The following DPYD variants were observed in gnomAD, a reference collection of about 807,000 sequenced individuals.
The protein encoded by DPYD is dihydropyrimidine dehydrogenase [NADP(+)].
DPYD carries 109 observed loss-of-function variants against 116.2 expected under a neutral mutation model. The observed-to-expected ratio is 0.94, with a 90% CI of 0.80 to 1.10. The LOEUF is 1.10. Ranked by LOEUF, DPYD falls within the 50% of genes least tolerant of loss-of-function variation. The probability of loss-of-function intolerance (pLI) is 0.00; values close to 1 mark genes in which losing one functional copy is unlikely to be tolerated. For missense variants in DPYD, 1,302 were observed against 1,254.5 expected (o/e 1.04, Z -0.57); for synonymous variants, 440 against 432.0 (o/e 1.02, Z -0.23).
intron 12 of DPYD, among the ~76,000 whole-genome samples, chr1:97,538,380 AG>A (rs1367572494): frequency 6.6e-6 from 1 of 152,218 alleles, no homozygotes; most frequent in Non-Finnish European, 1.5e-5. Context: ...AACTGCCATC[AG>A]ATGGTAATGA....
At chr1:97,866,814 T>C (rs1046994774) in intron 2 of DPYD, among the ~76,000 whole-genome samples, 4 of 151,736 alleles carry the variant, frequency 2.6e-5, no homozygotes, top group Non-Finnish European at 5.9e-5. Context: ...AGTATGTATA[T>C]AAAACAACAT....
chr1:97,264,311 C>T (rs1402256), intron 18 of DPYD, among the ~76,000 whole-genome samples: 11,521 of 151,200 alleles, frequency 0.076, 997 homozygotes, highest in African/African-American at 0.21. Flanking sequence ...TATAGGCACA[C>T]GCCACCATGC....
At chr1:97,396,993 C>A (rs1244502990) in intron 14 of DPYD, among the ~76,000 whole-genome samples, 4 of 152,004 alleles carry the variant, frequency 2.6e-5, no homozygotes, top group Non-Finnish European at 4.4e-5. Context: ...TCTCTTGTCC[C>A]ACTTCTCTTA....
chr1:97,279,011 A>T (rs1394246987), intron 18 of DPYD, among the ~76,000 whole-genome samples: 1 of 152,128 alleles, frequency 6.6e-6, no homozygotes, highest in Non-Finnish European at 1.5e-5. Context: ...TTCTTAAAAA[A>T]ATTCAACTTT....
At chr1:97,497,693 G>A (rs1481817156) in intron 13 of DPYD, among the ~76,000 whole-genome samples, 1 of 151,824 alleles carries the variant, frequency 6.6e-6, no homozygotes, top group African/African-American at 2.4e-5. Context: ...ATGTTGGCGA[G>A]TATGTGAAGA....
intron 1 of DPYD, among the ~76,000 whole-genome samples, chr1:97,907,051 A>G (rs1673666323): frequency 1.3e-5 from 2 of 152,044 alleles, no homozygotes; most frequent in Admixed American, 6.6e-5. Context: ...GCAGGCAGGG[A>G]GCTTAGAAAG....
chr1:97,657,900 T>C (rs1659033003), intron 8 of DPYD, among the ~76,000 whole-genome samples: 1 of 152,194 alleles, frequency 6.6e-6, no homozygotes, highest in Admixed American at 6.5e-5. Flanking sequence ...GAATTATTCC[T>C]GAATAATCAT....
intron 5 of DPYD, chr1:97,700,448 A>C: frequency 2.9e-6 from 1 of 346,248 alleles, no homozygotes; most frequent in South Asian, 2.3e-5. Context: ...TACACACCTC[A>C]GTGTACGGCT....
chr1:97,339,365 G>C (rs572083475), intron 16 of DPYD, among the ~76,000 whole-genome samples: 97 of 152,198 alleles, frequency 6.4e-4, no homozygotes, highest in African/African-American at 2.3e-3. Flanking sequence ...CACACACCTA[G>C]ACATAATCAG....
chr1:97,192,465 T>A (rs866430888), intron 20 of DPYD, among the ~76,000 whole-genome samples: 3 of 152,312 alleles, frequency 2.0e-5, no homozygotes, highest in Middle Eastern at 3.4e-3. Flanking sequence ...CTATTTAGAA[T>A]AATACAAAGG....
chr1:97,800,239 C>T (rs1557971549), intron 3 of DPYD, among the ~76,000 whole-genome samples: 2 of 151,628 alleles, frequency 1.3e-5, no homozygotes, highest in African/African-American at 4.8e-5. Context: ...CAAATTATAG[C>T]TATTATTATT....
chr1:97,761,446 G>A (rs970319281), intron 3 of DPYD, among the ~76,000 whole-genome samples: 1 of 151,946 alleles, frequency 6.6e-6, no homozygotes, highest in Non-Finnish European at 1.5e-5. Context: ...GAAATGGAGG[G>A]TACTAAAATA....
intron 1 of DPYD, among the ~76,000 whole-genome samples, chr1:97,889,229 AAAGT>A (rs1159093197): frequency 6.6e-6 from 1 of 152,100 alleles, no homozygotes; most frequent in African/African-American, 2.4e-5. Context: ...CTTCAGGCAG[AAAGT>A]AAGTAACCAT....
Position 97,376,887 on chromosome 1 carries a change from G to GTGTGTGTGTGTGTGTGTGTGTATA in DPYD, c.1975-3244_1975-3243insTATACACACACACACACACACACA. ...AGTTTGTGTGTGTGTGTGTGTGTGT[G>GTGTGTGTGTGTGTGTGTGTGTATA]TATATATATATATATGGTGTGGACT... On this transcript the variant is annotated intron_variant, in intron 15 of 22. Coordinates refer to ENST00000370192, the MANE Select transcript of DPYD (RefSeq NM_000110.4). 7.8e-5 allele frequency among the ~76,000 whole-genome samples: 10 copies of GTGTGTGTGTGTGTGTGTGTGTATA among 128,408 alleles called. 1 individual carries two copies. The highest frequency in any genetic ancestry group is 2.9e-4 in the African/African-American group (10 of 35,012). 84.2% of individuals were successfully genotyped at this position (128,408 alleles called of 152,430 possible). A position where few individuals can be genotyped will look rare whatever the true frequency, so the allele number is the denominator to read the frequency against.
intron 16 of DPYD, among the ~76,000 whole-genome samples, chr1:97,364,403 G>A (rs1454820437): frequency 6.6e-6 from 1 of 151,818 alleles, no homozygotes; most frequent in Non-Finnish European, 1.5e-5. Context: ...GGGAGAAAGG[G>A]GCAAAAACTC....
At chr1:97,235,758 CTG>C (rs1262628661) in intron 18 of DPYD, among the ~76,000 whole-genome samples, 4 of 152,024 alleles carry the variant, frequency 2.6e-5, no homozygotes, top group Admixed American at 1.3e-4. Flanking sequence ...AACATAGACT[CTG>C]TAAAAAAAGG....
chr1:97,570,171 CA>C (rs1350109146), intron 11 of DPYD, among the ~76,000 whole-genome samples: 1 of 151,948 alleles, frequency 6.6e-6, no homozygotes, highest in Non-Finnish European at 1.5e-5. Context: ...TGGAATATTT[CA>C]GAAAAAACTG....
intron 1 of DPYD, among the ~76,000 whole-genome samples, chr1:97,911,604 T>A (rs138523400): frequency 2.6e-5 from 4 of 151,994 alleles, no homozygotes; most frequent in African/African-American, 9.7e-5. Context: ...AAAGAAAATG[T>A]ACACACACAT....
chr1:97,271,768 T>C (rs971329702), intron 18 of DPYD, among the ~76,000 whole-genome samples: 1 of 152,190 alleles, frequency 6.6e-6, no homozygotes, highest in African/African-American at 2.4e-5. Context: ...TTCTCCCACT[T>C]GGTGAACTAT....
Sources: allele counts gnomAD v4.1 joint callset (sites outside exome capture counted in the v4.1 genomes callset), GRCh38; gene constraint gnomAD v4.1.1; transcripts MANE v1.5; gene names NCBI Gene and HGNC (gene_info 2026-07-23, HGNC 2026-07-21).